ARIH1: variants seen among roughly 807,000 people sequenced by gnomAD.
The protein encoded by ARIH1 is E3 ubiquitin-protein ligase ARIH1.
ARIH1 carries 8 observed loss-of-function variants against 85.0 expected under a neutral mutation model. The observed-to-expected ratio is 0.09, with a 90% CI of 0.06 to 0.17. The LOEUF is 0.17. ARIH1 is among the 10% of genes least tolerant of loss of function. The pLI is 1.00. For missense variants in ARIH1, 311 were observed against 718.1 expected, an observed-to-expected ratio of 0.43 and a Z score of 6.48; for synonymous variants, 238 against 253.6, an observed-to-expected ratio of 0.94 and a Z score of 0.59.
chr15:72,576,980 CT>C (rs1041267961), intron 11 of ARIH1, among the ~76,000 whole-genome samples: 153 of 144,316 alleles, frequency 1.1e-3, no homozygotes, highest in African/African-American at 2.2e-3. Flanking sequence ...ATACTGTGTG[CT>C]TTTTTTTTTT....
chr15:72,505,586 G>A (rs2063921265), intron 1 of ARIH1, among the ~76,000 whole-genome samples: 1 of 152,078 alleles, frequency 6.6e-6, no homozygotes, highest in South Asian at 2.1e-4. Context: ...TGTTGAGCAG[G>A]TTCCTATAAT....
intron 10 of ARIH1, among the ~76,000 whole-genome samples, chr15:72,570,672 G>C (rs1319237211): frequency 6.6e-6 from 1 of 152,190 alleles, no homozygotes; most frequent in African/African-American, 2.4e-5. Context: ...TGAAAACTCA[G>C]ATGCTGTTGG....
At chr15:72,482,736 T>C (rs1490387523) in intron 1 of ARIH1, among the ~76,000 whole-genome samples, 1 of 152,108 alleles carries the variant, frequency 6.6e-6, no homozygotes, top group African/African-American at 2.4e-5. Flanking sequence ...TCATAGTTTC[T>C]GTGAGTCACA....
At chr15:72,547,328 G>T (rs1454297480) in intron 3 of ARIH1, among the ~76,000 whole-genome samples, 1 of 151,456 alleles carries the variant, frequency 6.6e-6, no homozygotes, top group East Asian at 1.9e-4. Flanking sequence ...CGCCTCCTGG[G>T]TTCAAGTGAT....
At chr15:72,571,599 C>T (rs2064247510) in intron 10 of ARIH1, among the ~76,000 whole-genome samples, 1 of 152,048 alleles carries the variant, frequency 6.6e-6, no homozygotes, top group Non-Finnish European at 1.5e-5. Context: ...GCACATAGCA[C>T]AGCATCTGTT....
intron 1 of ARIH1, among the ~76,000 whole-genome samples, chr15:72,503,130 T>C (rs1033789831): frequency 6.6e-6 from 1 of 152,224 alleles, no homozygotes; most frequent in African/African-American, 2.4e-5. Context: ...CAGACTATTT[T>C]GCATTTAGGG....
At chr15:72,524,633 C>T (rs1048841089) in intron 2 of ARIH1, among the ~76,000 whole-genome samples, 7 of 152,204 alleles carry the variant, frequency 4.6e-5, no homozygotes, top group Admixed American at 3.3e-4. Flanking sequence ...TAAAAGATTC[C>T]ACTCCTTCCC....
At chr15:72,546,192 CCAT>C (rs2064128327) in intron 3 of ARIH1, among the ~76,000 whole-genome samples, 1 of 151,968 alleles carries the variant, frequency 6.6e-6, no homozygotes, top group South Asian at 2.1e-4. Context: ...CAGACGTGCA[CCAT>C]CAAGCCTGGC....
intron 2 of ARIH1, among the ~76,000 whole-genome samples, chr15:72,543,279 C>T (rs2064115805): frequency 6.6e-6 from 1 of 151,778 alleles, no homozygotes; most frequent in Admixed American, 6.6e-5. Flanking sequence ...ATCGCTTGAA[C>T]CTGGGCGGCA....
chr15:72,546,881 C>T (rs1378705023), intron 3 of ARIH1, among the ~76,000 whole-genome samples: 1 of 146,796 alleles, frequency 6.8e-6, no homozygotes, highest in African/African-American at 2.6e-5. Flanking sequence ...TGAGCCACCA[C>T]GCTCCTCCAG....
At position 72,587,838 on chromosome 15, in the gene ARIH1, G is replaced by A. The variant is rs1342110697; in HGVS notation, c.*4546G>A. ...TAAACAGACAACTTTTAGGTTTTTA[G>A]TTTTTGCTTTTGTGTGGAGTTGAGT... On this transcript the variant is annotated 3_prime_UTR_variant, in exon 14 of 14. Transcript: ENST00000379887. 6.6e-6 allele frequency: 1 copy of A among 152,116 alleles called. No individual in the cohort carries two copies. The highest frequency in any genetic ancestry group is 2.4e-5 in the African/African-American group (1 of 41,434). 9.4% of individuals were successfully genotyped at this position (152,116 alleles called of 1,614,324 possible).
chr15:72,579,973 A>G (rs560106777), intron 11 of ARIH1, among the ~76,000 whole-genome samples: 1 of 152,254 alleles, frequency 6.6e-6, no homozygotes, highest in South Asian at 2.1e-4. Flanking sequence ...ATTTTGAAAT[A>G]TATATTATTA....
intron 1 of ARIH1, chr15:72,475,263 C>T (rs1258510214): frequency 1.6e-5 from 12 of 760,276 alleles, no homozygotes; most frequent in Non-Finnish European, 2.0e-5. Flanking sequence ...GGCCTTCGGT[C>T]GCCTAAGCCT....
chr15:72,566,395 A>G (rs1291711406), intron 7 of ARIH1, 168 bp from the exon 8 acceptor site: 9 of 627,016 alleles, frequency 1.4e-5, no homozygotes, highest in Non-Finnish European at 2.3e-5. Flanking sequence ...CTACTACTAA[A>G]TTCTAGGTAA....
chr15:72,504,246 C>T (rs1046297736), intron 1 of ARIH1, among the ~76,000 whole-genome samples: 3 of 151,902 alleles, frequency 2.0e-5, no homozygotes, highest in Admixed American at 6.6e-5. Context: ...GTAGAGATGG[C>T]GTTTTGCCAT....
chr15:72,579,780 G>GT (rs1195839433), intron 11 of ARIH1, among the ~76,000 whole-genome samples: 1 of 152,078 alleles, frequency 6.6e-6, no homozygotes, highest in Admixed American at 6.5e-5. Flanking sequence ...TCACAGTACT[G>GT]TTTCATCAGT....
intron 1 of ARIH1, among the ~76,000 whole-genome samples, chr15:72,476,502 C>T (rs181268525): frequency 6.6e-6 from 1 of 151,978 alleles, no homozygotes; most frequent in Non-Finnish European, 1.5e-5. Context: ...GTAGCTGGTA[C>T]TACAGGCGCG....
chr15:72,507,418 C>A (rs1226973998), intron 1 of ARIH1, among the ~76,000 whole-genome samples: 2 of 152,178 alleles, frequency 1.3e-5, no homozygotes, highest in Non-Finnish European at 2.9e-5. Context: ...TCCACTGTGA[C>A]TGCTTATTGG....
In ARIH1 at chr15:72,553,452, A is replaced by G. The variant is rs10162708; in HGVS notation, c.589-1819A>G. 4.4e-3 allele frequency among the ~76,000 whole-genome samples: 676 copies of G among 152,306 alleles called. 8 individuals carry two copies. Among genetic ancestry groups the G allele is most frequent in the African/African-American group, 0.016 (651 of 41,552 alleles). On this transcript the variant is annotated intron_variant, in intron 3 of 13. Transcript: ENST00000379887. ...TTCACCCATTTAAAGTGGTTTTAGT[A>G]TATGCTACAGAGTTGTGTGCCATCG...
Sources: gnomAD v4.1 joint callset for allele counts (sites outside exome capture counted in the v4.1 genomes callset) on GRCh38, gnomAD v4.1.1 for gene constraint, MANE v1.5 for transcripts, NCBI Gene and HGNC (gene_info 2026-07-23, HGNC 2026-07-21) for gene names.